Variants in CWF19L2 observed in about 807,000 individuals in gnomAD.
The protein encoded by CWF19L2 is CWF19-like protein 2.
CWF19L2 carries 98 observed loss-of-function variants against 111.7 expected under a neutral mutation model. That is an observed-to-expected ratio of 0.88 (90% CI 0.75 to 1.04). CWF19L2 has a LOEUF of 1.04. Among genes scored for constraint, CWF19L2 ranks in the 50% least tolerant of loss-of-function variants. The pLI is 0.00. For synonymous variants in CWF19L2, 351 were observed against 342.9 expected (o/e 1.02, Z -0.26); for missense variants, 1,101 against 1,051.4 (o/e 1.05, Z -0.65).
intron 15 of CWF19L2, among the ~76,000 whole-genome samples, 178 bp downstream of exon 15, chr11:107,336,380 C>A (rs1047652682): frequency 6.6e-6 from 1 of 152,124 alleles, no homozygotes; most frequent in African/African-American, 2.4e-5. Flanking sequence ...GTCCTGACCT[C>A]AGGTGATCTC....
chr11:107,419,239 T>G (rs1861270445), intron 8 of CWF19L2, among the ~76,000 whole-genome samples: 1 of 152,202 alleles, frequency 6.6e-6, no homozygotes, highest in African/African-American at 2.4e-5. Flanking sequence ...TCTTGCTTCA[T>G]TAGTGGGAAA....
intron 10 of CWF19L2, among the ~76,000 whole-genome samples, chr11:107,413,122 A>G (rs970684215): frequency 6.6e-6 from 1 of 152,156 alleles, no homozygotes; most frequent in Non-Finnish European, 1.5e-5. Flanking sequence ...TAAACTATAG[A>G]CTTTGGGTGA....
intron 14 of CWF19L2, among the ~76,000 whole-genome samples, chr11:107,341,123 C>T (rs761759175): frequency 6.6e-6 from 1 of 152,148 alleles, no homozygotes; most frequent in Non-Finnish European, 1.5e-5. Flanking sequence ...TTTCCAGGGT[C>T]TATTTAGTGC....
At chr11:107,334,800 C>T (rs1859897787) in intron 16 of CWF19L2, 81 bp downstream of exon 16, 1 of 888,522 alleles carries the variant, frequency 1.1e-6, no homozygotes, top group South Asian at 1.5e-5. Context: ...CCAAATGGTC[C>T]CTTTGTCAAC....
rs1482185949 is a variant in CWF19L2 at position 107,428,785 on chromosome 11, A to G, written c.1433+14T>C. On this transcript the variant is annotated intron_variant, in intron 8 of 17. Coordinates refer to ENST00000282251, the MANE Select transcript of CWF19L2 (RefSeq NM_152434.3). ...CTGGATCTTAACTTATTAGGTTAAA[A>G]AATGATAAAATACCCAGCAAATGTA... The G allele has an allele frequency of 6.3e-7, 1 of 1,581,748 alleles. No individual in the cohort carries two copies. Among genetic ancestry groups the G allele is most frequent in the Non-Finnish European group, 8.6e-7 (1 of 1,166,020 alleles).
chr11:107,435,746 T>C (rs1269005705), intron 6 of CWF19L2, among the ~76,000 whole-genome samples: 1 of 152,018 alleles, frequency 6.6e-6, no homozygotes, highest in Non-Finnish European at 1.5e-5. Context: ...AAATTTAATA[T>C]TTAAAAAGCG....
intron 2 of CWF19L2, 89 bp from the exon 3 acceptor site, chr11:107,454,661 T>C (rs941682652): frequency 1.1e-5 from 10 of 927,384 alleles, no homozygotes; most frequent in Admixed American, 8.4e-5. Flanking sequence ...TAAACCACAT[T>C]CTAAAAAACT....
At chr11:107,411,089 G>GCACACACACACACACACACACACACA (rs146846176) in intron 10 of CWF19L2, among the ~76,000 whole-genome samples, 1 of 148,692 alleles carries the variant, frequency 6.7e-6, no homozygotes, top group African/African-American at 2.5e-5. Flanking sequence ...GCGCGTGCGT[G>GCACACACACACACACACACACACACA]CACACACACA....
chr11:107,422,199 C>T (rs1432211376), intron 8 of CWF19L2, among the ~76,000 whole-genome samples: 1 of 152,004 alleles, frequency 6.6e-6, no homozygotes, highest in East Asian at 1.9e-4. Flanking sequence ...GTGAACTGCC[C>T]AGGTCCACTT....
intron 7 of CWF19L2, among the ~76,000 whole-genome samples, chr11:107,430,741 T>A (rs1412114041): frequency 1.3e-5 from 2 of 151,732 alleles, no homozygotes; most frequent in African/African-American, 2.4e-5. Context: ...AAGATGGAGG[T>A]CAAAGAGTCA....
At chr11:107,354,757 T>C (rs1362940497) in intron 12 of CWF19L2, among the ~76,000 whole-genome samples, 3 of 152,254 alleles carry the variant, frequency 2.0e-5, no homozygotes, top group Non-Finnish European at 4.4e-5. Flanking sequence ...CACTTATTTA[T>C]ACCTGCTGCA....
intron 14 of CWF19L2, among the ~76,000 whole-genome samples, chr11:107,343,368 CT>C (rs902181491): frequency 1.3e-5 from 2 of 151,974 alleles, no homozygotes; most frequent in African/African-American, 4.8e-5. Flanking sequence ...TGTAATGCCC[CT>C]CTCTTCTTCG....
At chr11:107,349,573 C>T (rs1860129052) in intron 13 of CWF19L2, among the ~76,000 whole-genome samples, 1 of 151,536 alleles carries the variant, frequency 6.6e-6, no homozygotes, top group Admixed American at 6.6e-5. Context: ...TATTTACATA[C>T]ATGTATTACC....
chr11:107,345,259 T>C (rs866757362), intron 14 of CWF19L2, among the ~76,000 whole-genome samples: 2 of 152,188 alleles, frequency 1.3e-5, no homozygotes, highest in African/African-American at 2.4e-5. Flanking sequence ...TATCTAGTCA[T>C]AGAGTGAGAA....
intron 9 of CWF19L2, among the ~76,000 whole-genome samples, chr11:107,417,634 T>C (rs1415342691): frequency 2.0e-5 from 3 of 152,106 alleles, no homozygotes; most frequent in Non-Finnish European, 4.4e-5. Flanking sequence ...ATAAAGTAAA[T>C]AGCCAAGTAA....
chr11:107,457,621 C>T (rs1861873978), intron 1 of CWF19L2, 91 bp downstream of exon 1: 1 of 891,092 alleles, frequency 1.1e-6, no homozygotes, highest in Non-Finnish European at 1.8e-6. Flanking sequence ...TCAGTACTGA[C>T]GAGGTAAGGG....
intron 12 of CWF19L2, among the ~76,000 whole-genome samples, chr11:107,370,809 T>C (rs2432863): frequency 0.43 from 58,119 of 135,452 alleles, 19,312 homozygotes; most frequent in African/African-American, 0.67. Flanking sequence ...ATTAGAATAT[T>C]TGTATGTCCA....
At chr11:107,392,106 T>C (rs1388789943) in intron 11 of CWF19L2, among the ~76,000 whole-genome samples, 4 of 152,182 alleles carry the variant, frequency 2.6e-5, no homozygotes, top group Non-Finnish European at 5.9e-5. Flanking sequence ...CCACTTCTAT[T>C]TGTTGGATGA....
At chr11:107,379,775 C>T (rs1044723622) in intron 12 of CWF19L2, among the ~76,000 whole-genome samples, 1 of 152,024 alleles carries the variant, frequency 6.6e-6, no homozygotes, top group Non-Finnish European at 1.5e-5. Context: ...GAATCAGATA[C>T]TCAGCCGGGC....
Sources: allele counts gnomAD v4.1 joint callset (sites outside exome capture counted in the v4.1 genomes callset), GRCh38; gene constraint gnomAD v4.1.1; transcripts MANE v1.5; gene names NCBI Gene and HGNC (gene_info 2026-07-23, HGNC 2026-07-21).